The following ESR2 variants were observed in gnomAD, a reference collection of about 807,000 sequenced individuals.
ESR2 encodes the protein estrogen receptor 2.
In ESR2, 36 loss-of-function variants were observed where a neutral mutation model predicts 49.6. The observed-to-expected ratio is 0.73, with a 90% confidence interval of 0.56 to 0.96. ESR2 has a LOEUF of 0.96. ESR2 is among the 40% of genes least tolerant of loss of function. ESR2 has a pLI of 0.00. For synonymous variants in ESR2, 320 were observed against 266.1 expected, an observed-to-expected ratio of 1.20 and a Z score of -1.97; for missense variants, 714 against 693.0, an observed-to-expected ratio of 1.03 and a Z score of -0.34.
At chr14:64,327,406 C>CA (rs369067422) in intron 1 of ESR2, among the ~76,000 whole-genome samples, 517 of 103,314 alleles carry the variant, frequency 5.0e-3, no homozygotes, top group South Asian at 8.2e-3. Flanking sequence ...ACTAAAAATA[C>CA]AAAATTAGGC....
chr14:64,245,595 T>C (rs1461257451), intron 7 of ESR2, among the ~76,000 whole-genome samples: 1 of 150,980 alleles, frequency 6.6e-6, no homozygotes, highest in Non-Finnish European at 1.5e-5. Flanking sequence ...CCACAAGTGG[T>C]AATTACATCA....
rs749478587 is a variant in ESR2 at position 64,280,042 on chromosome 14, T to G, written c.474A>C (p.Gly158=). 1 of 1,614,182 alleles carries G rather than the reference T, an allele frequency of 6.2e-7. No individual in the cohort carries two copies. Among genetic ancestry groups the G allele is most frequent in the South Asian group, 1.1e-5 (1 of 91,082 alleles). ...FCAVCSDYAS[G]YHYGVWSCEG... is the part of the protein sequence containing the mutation. ...CACACGACCAGACTCCATAGTGATA[T>G]CCCGATGCGTAATCGCTGCAGACAG... The change falls in exon 3 of 9, where the codon GGA becomes GGC. Residue 158 remains glycine, a synonymous_variant. Coordinates refer to ENST00000341099, the MANE Select transcript of ESR2 (RefSeq NM_001437.3).
intron 4 of ESR2, among the ~76,000 whole-genome samples, chr14:64,264,876 CA>C (rs5809224): frequency 0.6 from 71,409 of 119,010 alleles, 19,585 homozygotes; most frequent in African/African-American, 0.78. Flanking sequence ...TACCCTGTCT[CA>C]AAAAAAAAAA....
chr14:64,272,494 T>C (rs1213755299), intron 3 of ESR2, among the ~76,000 whole-genome samples: 3 of 152,222 alleles, frequency 2.0e-5, no homozygotes, highest in Non-Finnish European at 4.4e-5. Flanking sequence ...CTGGAGAGTT[T>C]CCCCGTGTTT....
intron 6 of ESR2, among the ~76,000 whole-genome samples, chr14:64,251,334 A>C (rs2075985477): frequency 6.6e-6 from 1 of 150,440 alleles, no homozygotes. Flanking sequence ...AAAAAAACCC[A>C]CCAACTCCTG....
intron 1 of ESR2, among the ~76,000 whole-genome samples, chr14:64,318,537 CAAAAAAAAAAAA>C (rs58597271): frequency 0.057 from 1,838 of 32,518 alleles, 46 homozygotes; most frequent in Admixed American, 0.083. Context: ...AACTCCATCT[CAAAAAAAAAAAA>C]AAAAAAAAAA....
At chr14:64,240,910 C>T (rs1487798709) in intron 7 of ESR2, among the ~76,000 whole-genome samples, 3 of 151,738 alleles carry the variant, frequency 2.0e-5, no homozygotes, top group African/African-American at 4.8e-5. Context: ...TTTGGGAGGC[C>T]GAGGCGGGCG....
At chr14:64,260,277 T>C in intron 5 of ESR2, 172 bp downstream of exon 5, 2 of 790,754 alleles carry the variant, frequency 2.5e-6, no homozygotes, top group South Asian at 2.7e-5. Flanking sequence ...AAGGTAGGTA[T>C]GCCAAGACAG....
At chr14:64,254,056 A>G (rs550136166) in intron 6 of ESR2, among the ~76,000 whole-genome samples, 2 of 152,218 alleles carry the variant, frequency 1.3e-5, no homozygotes, top group East Asian at 3.9e-4. Context: ...AAGTAATGAG[A>G]TTTTCCTCTC....
In ESR2 at chr14:64,269,464, C is replaced by A. The variant is rs140666872; in HGVS notation, c.536-553G>T. Among the ~76,000 whole-genome samples, 39 of 152,344 alleles carry A rather than the reference C, an allele frequency of 2.6e-4. No individual in the cohort carries two copies. In the East Asian group the frequency reaches 6.9e-3, roughly 27 times the overall value. On this transcript the variant is annotated intron_variant, in intron 3 of 8. Transcript: ENST00000341099. ...TTCTTCATTCTCTCCCTCAGCCTTG[C>A]GACCCTGCAGTGTACTAGAGTGCGC... is the stretch of plus-strand genomic sequence containing the variant.
At chr14:64,250,307 G>A (rs1226160810) in intron 6 of ESR2, among the ~76,000 whole-genome samples, 1 of 152,026 alleles carries the variant, frequency 6.6e-6, no homozygotes, top group Admixed American at 6.5e-5. Context: ...ATGGAGGTGG[G>A]GAAAAATTTT....
chr14:64,270,777 T>C (rs2076430249), intron 3 of ESR2, among the ~76,000 whole-genome samples: 1 of 152,236 alleles, frequency 6.6e-6, no homozygotes, highest in Non-Finnish European at 1.5e-5. Context: ...CCCAAAGTGC[T>C]GGGATTACAG....
At chr14:64,227,210 C>G (rs2098722171), downstream of ESR2, 2 of 357,838 alleles carry the variant, frequency 5.6e-6, 1 homozygote, top group East Asian at 1.3e-4. Flanking sequence ...AAGCACAAAC[C>G]TCAGGGGAAA....
intron 1 of ESR2, among the ~76,000 whole-genome samples, chr14:64,310,286 A>AAAAAAAAAAAAAAATAATAAT (rs1555595498): frequency 2.1e-5 from 3 of 142,468 alleles, no homozygotes; most frequent in African/African-American, 7.9e-5. Context: ...TCGTCTCAAA[A>AAAAAAAAAAAAAAATAATAAT]AATAATAATA....
At chr14:64,244,386 C>G (rs1274270187) in intron 7 of ESR2, among the ~76,000 whole-genome samples, 1 of 142,742 alleles carries the variant, frequency 7.0e-6, no homozygotes, top group Non-Finnish European at 1.5e-5. Context: ...AGTAACAAAG[C>G]AAGACTTCAT....
chr14:64,317,111 C>A (rs112144520), intron 1 of ESR2, among the ~76,000 whole-genome samples: 305 of 152,082 alleles, frequency 2.0e-3, no homozygotes, highest in African/African-American at 7.2e-3. Context: ...CCAAAAAATA[C>A]AAAAATTAGC....
intron 3 of ESR2, among the ~76,000 whole-genome samples, chr14:64,277,429 T>A (rs2076577092): frequency 6.6e-6 from 1 of 151,786 alleles, no homozygotes; most frequent in Admixed American, 6.6e-5. Context: ...ATCGAGACCA[T>A]CCTGGCTAAC....
At chr14:64,322,593 C>T (rs898255339) in intron 1 of ESR2, among the ~76,000 whole-genome samples, 11 of 150,960 alleles carry the variant, frequency 7.3e-5, no homozygotes, top group Admixed American at 1.3e-4. Context: ...TAATGAGGTA[C>T]CTTGTTTTTT....
intron 7 of ESR2, among the ~76,000 whole-genome samples, chr14:64,246,744 A>AAAAC (rs1240234592): frequency 5.6e-5 from 8 of 142,082 alleles, no homozygotes; most frequent in African/African-American, 2.2e-4. Flanking sequence ...CAAAAAAAAA[A>AAAAC]AAAAAAAAAA....
Sources: allele counts gnomAD v4.1 joint callset (sites outside exome capture counted in the v4.1 genomes callset), GRCh38; gene constraint gnomAD v4.1.1; transcripts MANE v1.5; gene names NCBI Gene and HGNC (gene_info 2026-07-23, HGNC 2026-07-21).